DRG1: variants seen among roughly 807,000 people sequenced by gnomAD.
DRG1 encodes the protein developmentally-regulated GTP-binding protein 1.
A neutral mutation model predicts 38.8 loss-of-function variants in DRG1; 19 were observed. The ratio of observed to expected loss-of-function variants is 0.49; its 90% CI spans 0.34 to 0.72. The LOEUF is 0.72. Among genes scored for constraint, DRG1 ranks in the 30% least tolerant of loss-of-function variants. The pLI is 0.01. For synonymous variants in DRG1, 167 were observed against 157.5 expected (o/e 1.06, Z -0.45); for missense variants, 299 against 444.8 (o/e 0.67, Z 2.95).
intron 8 of DRG1, among the ~76,000 whole-genome samples, chr22:31,431,668 C>CA (rs991544325): frequency 1.3e-5 from 2 of 152,176 alleles, no homozygotes; most frequent in Admixed American, 1.3e-4. Flanking sequence ...GACCCTTCCT[C>CA]AAAAAACCAA....
rs567509531 is a variant in DRG1 at position 31,432,133 on chromosome 22, G to T, written c.1005-1739G>T. Among the ~76,000 whole-genome samples, 140 of 151,506 alleles carry T rather than the reference G, an allele frequency of 9.2e-4. No individual in the cohort carries two copies. The Middle Eastern group carries it at 0.01, about 11-fold the overall frequency. ...CTGTTGCCGCCCAGGCTGGAGTCCAGTGGCGTAATCGTGGTTCACTGCAGC... is the reference window on the plus strand; with the variant it reads ...CTGTTGCCGCCCAGGCTGGAGTCCATTGGCGTAATCGTGGTTCACTGCAGC... On this transcript the variant is annotated intron_variant, in intron 8 of 8. Coordinates refer to ENST00000331457, the MANE Select transcript of DRG1 (RefSeq NM_004147.4).
chr22:31,427,240 C>T (rs2050115893), intron 8 of DRG1, 58 bp downstream of exon 8: 1 of 1,585,708 alleles, frequency 6.3e-7, no homozygotes, highest in Non-Finnish European at 8.6e-7. Flanking sequence ...ATTTTACTAA[C>T]TAGTAATTCT....
At chr22:31,406,301 C>G (rs1282346811) in intron 3 of DRG1, among the ~76,000 whole-genome samples, 1 of 152,132 alleles carries the variant, frequency 6.6e-6, no homozygotes, top group Non-Finnish European at 1.5e-5. Flanking sequence ...CGCTTGGCCA[C>G]TTACCTGCTT....
chr22:31,400,468 G>A, intron 1 of DRG1, 152 bp from the exon 2 acceptor site: 3 of 902,552 alleles, frequency 3.3e-6, no homozygotes, highest in Non-Finnish European at 3.2e-6. Flanking sequence ...AGGGAAATGA[G>A]CTGGATGGAG....
intron 3 of DRG1, among the ~76,000 whole-genome samples, chr22:31,404,388 G>A (rs371272814): frequency 2.0e-5 from 3 of 150,938 alleles, no homozygotes; most frequent in African/African-American, 7.3e-5. Context: ...CTACAGGCAC[G>A]CACCCCCATG....
chr22:31,402,242 A>G (rs2049965904), intron 2 of DRG1, among the ~76,000 whole-genome samples: 1 of 152,110 alleles, frequency 6.6e-6, no homozygotes. Flanking sequence ...TGCACCTGGT[A>G]GAGAAGGGCC....
rs1051921322 is a variant in DRG1, at chr22:31,424,730, C to A, written c.713+1320C>A. On this transcript the variant is annotated intron_variant, in intron 6 of 8. Transcript: ENST00000331457. ...CAGGCTGGTCTTGAACTCCTGACTT[C>A]AGGTGATCTACCCACCTCAGCCTCC... Among the ~76,000 whole-genome samples, 4 of 145,738 alleles carry A rather than the reference C, an allele frequency of 2.7e-5. No individual in the cohort carries two copies. The East Asian group carries it at 6.0e-4, about 22-fold the overall frequency.
At position 31,411,193 on chromosome 22, in the gene DRG1, C is replaced by G. The variant is rs1487029033; in HGVS notation, c.412+112C>G. On this transcript the variant is annotated intron_variant, in intron 4 of 8. Transcript: ENST00000331457. ...TATACCACAGTGAAGGGCATAGTTT[C>G]ACCTGACTTCTCATTTAAGTTGAAG... 1.3e-5 allele frequency: 14 copies of G among 1,099,064 alleles called. No individual in the cohort carries two copies. The East Asian group carries it at 1.3e-4, about 10-fold the overall frequency. 68.1% of individuals were successfully genotyped at this position (1,099,064 alleles called of 1,614,324 possible). A position where few individuals can be genotyped will look rare whatever the true frequency, so the allele number is the denominator to read the frequency against.
chr22:31,401,873 A>C (rs1311832862), intron 2 of DRG1, among the ~76,000 whole-genome samples: 1 of 151,990 alleles, frequency 6.6e-6, no homozygotes, highest in Non-Finnish European at 1.5e-5. Context: ...CAACATGGTG[A>C]AACCCCGTCT....
At chr22:31,426,293 T>C (rs1224376274) in intron 6 of DRG1, among the ~76,000 whole-genome samples, 8 of 152,140 alleles carry the variant, frequency 5.3e-5, no homozygotes, top group African/African-American at 1.9e-4. Context: ...TGCAGTTGGT[T>C]GAATTCAGGG....
rs2049956598 is a variant in DRG1 at position 31,400,760 on chromosome 22, A to AAT, written c.166+26_166+27dup. On this transcript the variant is annotated intron_variant, in intron 2 of 8. Transcript: ENST00000331457. ...CAGGAGAAGGTTTGTGTTCTTCTTC[A>AAT]ATATATATATTTTTAGGTATAATTT... 1.2e-6 allele frequency: 2 copies of AAT among 1,604,188 alleles called. No homozygotes were observed. The highest frequency in any genetic ancestry group is 2.7e-5 in the African/African-American group (2 of 74,482).
At chr22:31,433,632 T>G (rs1284647620) in intron 8 of DRG1, among the ~76,000 whole-genome samples, 4 of 152,206 alleles carry the variant, frequency 2.6e-5, no homozygotes, top group African/African-American at 9.6e-5. Context: ...CTCTTTATAC[T>G]AAACATGTTT....
chr22:31,418,701 A>G (rs1488894790), intron 4 of DRG1, among the ~76,000 whole-genome samples: 1 of 149,852 alleles, frequency 6.7e-6, no homozygotes, highest in Non-Finnish European at 1.5e-5. Flanking sequence ...TTATTTTTGT[A>G]GATGGATTCT....
intron 2 of DRG1, among the ~76,000 whole-genome samples, chr22:31,401,408 A>G (rs1325070598): frequency 1.3e-5 from 2 of 151,752 alleles, no homozygotes; most frequent in East Asian, 3.9e-4. Context: ...GTGAAACCCC[A>G]TCTCTACTAA....
intron 8 of DRG1, among the ~76,000 whole-genome samples, chr22:31,429,256 C>T (rs1387430015): frequency 6.6e-6 from 1 of 151,848 alleles, no homozygotes; most frequent in South Asian, 2.1e-4. Context: ...GTAGCTGGTA[C>T]TACAGGCGTG....
At chr22:31,424,806 C>A (rs1260649952) in intron 6 of DRG1, among the ~76,000 whole-genome samples, 1 of 21,310 alleles carries the variant, frequency 4.7e-5, no homozygotes, top group Non-Finnish European at 9.9e-5. Flanking sequence ...ACCCGCCCCC[C>A]CCCCCTTTTT....
In DRG1 at chr22:31,410,589, G is replaced by A. The variant is rs191753887; in HGVS notation, c.343-423G>A. Among the ~76,000 whole-genome samples, 93 of 151,686 alleles carry A rather than the reference G, an allele frequency of 6.1e-4. 2 individuals carry two copies. The East Asian group carries it at 0.017, about 27-fold the overall frequency. On this transcript the variant is annotated intron_variant, in intron 3 of 8. Coordinates refer to ENST00000331457, the MANE Select transcript of DRG1 (RefSeq NM_004147.4). ...AGCACTTTGGGAGGCTGATGCCGGT[G>A]GATCCCTGAGGTCAGGAGTTTGAGA...
intron 2 of DRG1, among the ~76,000 whole-genome samples, chr22:31,401,074 A>G (rs896940261): frequency 6.6e-6 from 1 of 151,932 alleles, no homozygotes; most frequent in Non-Finnish European, 1.5e-5. Context: ...AGGCAAATGA[A>G]TATTGTCTAA....
chr22:31,422,738 T>C (rs1249313710), intron 5 of DRG1, among the ~76,000 whole-genome samples: 1 of 152,184 alleles, frequency 6.6e-6, no homozygotes, highest in Non-Finnish European at 1.5e-5. Context: ...TGTGTTAGTT[T>C]CAGTGCTGCC....
Sources: gnomAD v4.1 joint callset for allele counts (sites outside exome capture counted in the v4.1 genomes callset) on GRCh38, gnomAD v4.1.1 for gene constraint, MANE v1.5 for transcripts, NCBI Gene and HGNC (gene_info 2026-07-23, HGNC 2026-07-21) for gene names.